RPTOR: variants seen among roughly 807,000 people sequenced by gnomAD.
The protein encoded by RPTOR is regulatory-associated protein of mTOR.
In RPTOR, 21 loss-of-function variants were observed where a neutral mutation model predicts 169.9. The ratio of observed to expected loss-of-function variants is 0.12; its 90% CI spans 0.09 to 0.18. The LOEUF is 0.18. Ranked by LOEUF, RPTOR falls within the 10% of genes least tolerant of loss-of-function variation. The pLI, the probability that RPTOR is intolerant of heterozygous loss-of-function variation, is 1.00. For missense variants in RPTOR, 1,133 were observed against 1,855.9 expected (o/e 0.61, Z 7.16); for synonymous variants, 732 against 753.2 (o/e 0.97, Z 0.46).
At chr17:80,858,216 A>G in intron 13 of RPTOR, 1 of 367,154 alleles carries the variant, frequency 2.7e-6, no homozygotes, top group Non-Finnish European at 5.1e-6. Flanking sequence ...TGACCCCCGT[A>G]AGGCTGTCCC....
At chr17:80,624,214 G>A (rs191466472) in intron 1 of RPTOR, among the ~76,000 whole-genome samples, 9 of 152,290 alleles carry the variant, frequency 5.9e-5, no homozygotes, top group South Asian at 4.1e-4. Flanking sequence ...GGACTTACTC[G>A]TGAAGAAAAC....
At chr17:80,790,988 G>A (rs1382725787) in intron 6 of RPTOR, among the ~76,000 whole-genome samples, 1 of 152,142 alleles carries the variant, frequency 6.6e-6, no homozygotes, top group Non-Finnish European at 1.5e-5. Context: ...GCTCTGACCT[G>A]TAGGATTTTA....
intron 5 of RPTOR, among the ~76,000 whole-genome samples, chr17:80,731,703 G>T (rs2066394838): frequency 6.6e-6 from 1 of 152,154 alleles, no homozygotes; most frequent in Non-Finnish European, 1.5e-5. Flanking sequence ...TTGCAGTATA[G>T]GAAATTCTCA....
intron 6 of RPTOR, among the ~76,000 whole-genome samples, chr17:80,787,142 A>G (rs917504642): frequency 2.0e-5 from 3 of 152,140 alleles, no homozygotes; most frequent in Admixed American, 1.3e-4. Flanking sequence ...CATTGCTACT[A>G]TGCATCTGTG....
chr17:80,608,849 C>G (rs905624104), intron 1 of RPTOR, among the ~76,000 whole-genome samples: 1 of 152,180 alleles, frequency 6.6e-6, no homozygotes, highest in Admixed American at 6.5e-5. Flanking sequence ...TGCTTCTGCG[C>G]GTGGTTCAGA....
rs932680682 is a variant in RPTOR, at chr17:80,820,757, G to A, written c.891-1444G>A. On this transcript the variant is annotated intron_variant, in intron 7 of 33. Transcript: ENST00000306801. The surrounding 1 kb of genome is among the most constrained non-coding windows in gnomAD (Gnocchi z 4.1). Reference sequence around the variant, plus strand: ...GACGAGTCTCTGCTGTCCTTGTGCCGTGTGTTCGCCTCCAGGCCTGGGTTT... The same window carrying A: ...GACGAGTCTCTGCTGTCCTTGTGCCATGTGTTCGCCTCCAGGCCTGGGTTT... Among the ~76,000 whole-genome samples the A allele has an allele frequency of 2.0e-5, 3 of 152,170 alleles. No homozygotes were observed. Among genetic ancestry groups the A allele is most frequent in the African/African-American group, 7.2e-5 (3 of 41,440 alleles).
intron 3 of RPTOR, among the ~76,000 whole-genome samples, chr17:80,700,733 AT>A (rs1567864680): frequency 1.3e-4 from 1 of 7,420 alleles, no homozygotes; most frequent in African/African-American, 6.2e-4. Flanking sequence ...GGTGGTGATG[AT>A]GGTGGTGGTG....
chr17:80,832,093 C>T (rs2067511711), intron 9 of RPTOR, among the ~76,000 whole-genome samples: 1 of 152,214 alleles, frequency 6.6e-6, no homozygotes, highest in Non-Finnish European at 1.5e-5. Flanking sequence ...CAACACCGCT[C>T]TTGAGACACC....
intron 6 of RPTOR, chr17:80,773,801 ACT>A (rs1208550213): frequency 1.7e-5 from 17 of 984,974 alleles, no homozygotes; most frequent in Non-Finnish European, 2.0e-5. Flanking sequence ...CTGCCAGCAA[ACT>A]GTTCTTTCTG....
At chr17:80,638,040 C>G (rs898140603) in intron 2 of RPTOR, among the ~76,000 whole-genome samples, 1 of 152,234 alleles carries the variant, frequency 6.6e-6, no homozygotes, top group Admixed American at 6.5e-5. Flanking sequence ...GTAAGCTGTG[C>G]TCTTGCTTTC....
chr17:80,955,278 G>A (rs530810576), intron 28 of RPTOR, among the ~76,000 whole-genome samples: 17 of 152,372 alleles, frequency 1.1e-4, no homozygotes, highest in South Asian at 8.3e-4. Flanking sequence ...GGCCCTCAGC[G>A]CAGCAGTGAG....
rs534847792 is a variant in RPTOR, at chr17:80,895,718, G to C, written c.2401+1853G>C. Among the ~76,000 whole-genome samples, 5 of 152,354 alleles carry C rather than the reference G, an allele frequency of 3.3e-5. No homozygotes were observed. The South Asian group carries it at 1.0e-3, about 32-fold the overall frequency. On this transcript the variant is annotated intron_variant, in intron 20 of 33. Transcript: ENST00000306801. ...CCCCAGGCCTTCCACGGGATCCTCT[G>C]TTCTAAAGCGCAGGCGCCCCCATCT... is the stretch of plus-strand genomic sequence containing the variant.
chr17:80,919,947 G>A lies in RPTOR; in HGVS notation c.2521-2777G>A, dbSNP rs368676077. On this transcript the variant is annotated intron_variant, in intron 21 of 33. Transcript: ENST00000306801. The stretch of plus-strand genomic sequence containing the variant: ...GGGTGTACATGCTGAGAAGGGCGCC[G>A]TGTCCTCCAGGCAGGCCTGGGCCCA... Among the ~76,000 whole-genome samples, 36 of 152,364 alleles carry A rather than the reference G, an allele frequency of 2.4e-4. No individual in the cohort carries two copies. In the East Asian group the frequency reaches 5.8e-3, roughly 24 times the overall value.
chr17:80,824,517 CT>C (rs2067417450), intron 9 of RPTOR, among the ~76,000 whole-genome samples: 1 of 152,176 alleles, frequency 6.6e-6, no homozygotes, highest in South Asian at 2.1e-4. Flanking sequence ...GGCCTTATTC[CT>C]TTAAGAAAAG....
chr17:80,636,727 C>T (rs1332722210), intron 2 of RPTOR, among the ~76,000 whole-genome samples: 2 of 152,080 alleles, frequency 1.3e-5, no homozygotes, highest in African/African-American at 4.8e-5. Context: ...CCCCGCAACA[C>T]GCCCCAGTAC....
chr17:80,958,976 C>G (rs1030978327), intron 29 of RPTOR, among the ~76,000 whole-genome samples: 7 of 152,352 alleles, frequency 4.6e-5, no homozygotes, highest in Non-Finnish European at 7.3e-5. Flanking sequence ...CATACCCAGC[C>G]TCTCTCCCGG....
intron 6 of RPTOR, among the ~76,000 whole-genome samples, chr17:80,789,969 A>G (rs1454395780): frequency 6.6e-6 from 1 of 152,246 alleles, no homozygotes; most frequent in Non-Finnish European, 1.5e-5. Flanking sequence ...ACAAAGTAGC[A>G]TGGTTCGCAT....
At position 80,574,140 on chromosome 17, in the gene RPTOR, G is replaced by T. The variant is rs1005676796; in HGVS notation, c.162+28349G>T. On this transcript the variant is annotated intron_variant, in intron 1 of 33. Transcript: ENST00000306801. ...AGTTCTGATTTAAGCTTTTAAGATG[G>T]TTTTTTTTTTCTTTTTTCTTTTTTT... 1.6e-3 allele frequency among the ~76,000 whole-genome samples: 242 copies of T among 146,822 alleles called. 1 individual carries two copies. The highest frequency in any genetic ancestry group is 4.9e-3 in the African/African-American group (195 of 40,110).
rs1277055613 is a variant in RPTOR, at chr17:80,947,185, A to G, written c.3141-42A>G. On this transcript the variant is annotated intron_variant, in intron 26 of 33. Transcript: ENST00000306801. This position sits in a 1 kb window ranked among gnomAD's most constrained non-coding sequence, Gnocchi z 4.4. The stretch of plus-strand genomic sequence containing the variant: ...GTATCTCACTGTCATTTGGGTTTGC[A>G]GTTTCCTAATGACTTTTTTATTCCT... 2 of 1,522,906 alleles carry G rather than the reference A, an allele frequency of 1.3e-6. No individual in the cohort carries two copies. The highest frequency in any genetic ancestry group is 1.8e-6 in the Non-Finnish European group (2 of 1,137,850). 94.3% of individuals were successfully genotyped at this position (1,522,906 alleles called of 1,614,324 possible).
Sources: allele counts gnomAD v4.1 joint callset (sites outside exome capture counted in the v4.1 genomes callset), GRCh38; gene constraint gnomAD v4.1.1; non-coding constraint Gnocchi (gnomAD v3.1); transcripts MANE v1.5; gene names NCBI Gene and HGNC (gene_info 2026-07-23, HGNC 2026-07-21).